MYL6B: variants seen among roughly 807,000 people sequenced by gnomAD.
MYL6B encodes the protein myosin alkali light chain 1 slow a.
In MYL6B, 19 loss-of-function variants were observed where a neutral mutation model predicts 24.5. The ratio of observed to expected loss-of-function variants is 0.78; its 90% CI spans 0.54 to 1.14. The LOEUF (loss-of-function observed/expected upper bound fraction) is 1.14. MYL6B is among the 50% of genes most tolerant of loss of function. The pLI is 0.00. For synonymous variants in MYL6B, 90 were observed against 100.7 expected, an observed-to-expected ratio of 0.89 and a Z score of 0.64; for missense variants, 230 against 263.8, an observed-to-expected ratio of 0.87 and a Z score of 0.89.
chr12:56,156,413 T>C (rs989388877), intron 5 of MYL6B, among the ~76,000 whole-genome samples: 2 of 151,848 alleles, frequency 1.3e-5, no homozygotes, highest in African/African-American at 4.8e-5. Flanking sequence ...AAGACCAGCC[T>C]GGCCAACATG....
Position 56,155,201 on chromosome 12 carries a change from G to A in MYL6B, c.346+3G>A, listed in dbSNP as rs1417703331. ...CCTGGGGAACCCCAAGAGTGATGGT[G>A]AGGGGACCCTTGGGAACAATTTGGG... On this transcript the variant is annotated splice_donor_region_variant and intron_variant, in intron 4 of 6. Coordinates refer to ENST00000553066, the Ensembl canonical transcript of MYL6B. 6.3e-7 allele frequency: 1 copy of A among 1,590,740 alleles called. No homozygotes were observed. The highest frequency in any genetic ancestry group is 1.4e-5 in the African/African-American group (1 of 73,528).
intron 4 of MYL6B, 81 bp from the exon 5 acceptor site, chr12:56,155,338 T>G: frequency 6.2e-7 from 1 of 1,601,072 alleles, no homozygotes; most frequent in Non-Finnish European, 8.5e-7. Flanking sequence ...CTGAATAGGA[T>G]GAAAGCATTG....
Position 56,154,004 on chromosome 12 carries a change from C to A in MYL6B, c.86C>A (p.Ala29Asp), listed in dbSNP as rs749970437. The change falls in exon 2 of 7, where the codon GCT (alanine) becomes GAT (aspartate). Residue 29 changes from alanine (A) to aspartate (D), a missense_variant. Physicochemically the swap from Ala to Asp is moderately radical, Grantham distance 126 (BLOSUM62 -2). Transcript: ENST00000553066. ...GCTGCTAAGCCAGCAGCAGCAGGGG[C>A]TCCTCCAGCCAAGACCAAAGCTGAG... is the stretch of plus-strand genomic sequence containing the variant. The A allele has an allele frequency of 1.9e-6, 3 of 1,614,126 alleles. 1 individual carries two copies. The South Asian group carries it at 3.3e-5, about 18-fold the overall frequency.
At chr12:56,153,836 C>T (rs1871201879) in intron 1 of MYL6B, 37 bp from the exon 2 acceptor site, 1 of 1,438,080 alleles carries the variant, frequency 7.0e-7, no homozygotes, top group South Asian at 1.4e-5. Flanking sequence ...CCTGCCCCCG[C>T]CCCTTGACAT....
exon 4 of MYL6B, chr12:56,155,173 G>C (rs965734289): frequency 1.2e-6 from 2 of 1,611,240 alleles, no homozygotes; most frequent in Non-Finnish European, 1.7e-6. Context: ...AGGTGCTCAA[G>C]GTCCTGGGGA....
exon 6 of MYL6B, chr12:56,157,509 G>C: frequency 6.2e-7 from 1 of 1,614,010 alleles, no homozygotes; most frequent in Non-Finnish European, 8.5e-7. Flanking sequence ...CGTTCTGGCA[G>C]GACACGAGGA....
chr12:56,152,689 A>AGTGT (rs3070174), intron 1 of MYL6B, 58 bp downstream of exon 1: 133,597 of 149,696 alleles, frequency 0.89, 60,651 homozygotes, highest in Non-Finnish European at 0.97. Flanking sequence ...GGGGTGCGTG[A>AGTGT]GTGTGTGTGT....
At chr12:56,152,941 C>G (rs1353331993) in intron 1 of MYL6B, among the ~76,000 whole-genome samples, 1 of 152,068 alleles carries the variant, frequency 6.6e-6, no homozygotes, top group African/African-American at 2.4e-5. Flanking sequence ...CCCAGCGCCC[C>G]TGGCAAGGTT....
At chr12:56,153,270 C>G (rs192618642) in intron 1 of MYL6B, among the ~76,000 whole-genome samples, 1 of 152,132 alleles carries the variant, frequency 6.6e-6, no homozygotes, top group Admixed American at 6.6e-5. Flanking sequence ...GGATGTCATA[C>G]TCCTGTTTTT....
chr12:56,155,600 A>G lies in MYL6B; in HGVS notation c.520+8A>G, dbSNP rs1871277288. 6.2e-7 allele frequency: 1 copy of G among 1,611,772 alleles called. No individual in the cohort carries two copies. The highest frequency in any genetic ancestry group is 1.7e-5 in the Admixed American group (1 of 59,830). On this transcript the variant is annotated splice_region_variant and intron_variant, in intron 5 of 6. Coordinates refer to ENST00000553066, the Ensembl canonical transcript of MYL6B. ...ATGTTCTCACCACCCTTGGTGAGGC[A>G]GGCAAGGGGGACCAGAACTCCTTTA...
chr12:56,157,338 C>CG, intron 5 of MYL6B, 130 bp from the exon 6 acceptor site: 1 of 794,738 alleles, frequency 1.3e-6, no homozygotes, highest in Non-Finnish European at 2.0e-6. Flanking sequence ...GAGCCGAGAT[C>CG]GCTCCGCTCC....
At chr12:56,157,619 G>C (rs542296035) in intron 6 of MYL6B, 74 bp downstream of exon 6, 3 of 1,612,614 alleles carry the variant, frequency 1.9e-6, no homozygotes, top group African/African-American at 1.3e-5. Context: ...GTGGGCGGGG[G>C]CACCCCTGGA....
Position 56,155,523 on chromosome 12 carries a change from CGTGT to C in MYL6B, c.454_457del (p.Val152LeufsTer25). On this transcript the variant is annotated frameshift_variant, in exon 5 of 7. Coordinates refer to ENST00000553066, the Ensembl canonical transcript of MYL6B. LOFTEE classifies it high-confidence loss of function. ...ATATGAGGACTACTTGGAGGGGTTT[CGTGT>C]GTTTGACAAGGAGGGGAACGGCAAA... is the stretch of plus-strand genomic sequence containing the variant. The C allele has an allele frequency of 6.2e-7, 1 of 1,613,774 alleles. No individual in the cohort carries two copies.
At chr12:56,155,835 G>A (rs1871286185) in intron 5 of MYL6B, 1 of 1,411,202 alleles carries the variant, frequency 7.1e-7, no homozygotes, top group East Asian at 2.9e-5. Context: ...TTTCATTTTG[G>A]AAGAGACGTG....
intron 5 of MYL6B, 173 bp downstream of exon 5, chr12:56,155,765 C>G (rs1871284555): frequency 6.6e-7 from 1 of 1,526,412 alleles, no homozygotes; most frequent in African/African-American, 1.4e-5. Flanking sequence ...ACTCGCTCTT[C>G]CAGAGGCTAA....
chr12:56,153,433 A>G, intron 1 of MYL6B: 1 of 985,810 alleles, frequency 1.0e-6, no homozygotes, highest in Non-Finnish European at 1.2e-6. Context: ...GGCTGGGCAG[A>G]TGGGCTTCTT....
intron 5 of MYL6B, 50 bp from the exon 6 acceptor site, chr12:56,157,418 G>A (rs1871368355): frequency 1.9e-6 from 3 of 1,561,162 alleles, no homozygotes; most frequent in Non-Finnish European, 2.6e-6. Flanking sequence ...CGTGGCCTGG[G>A]TGAGTGAAGG....
intron 1 of MYL6B, chr12:56,153,577 C>T (rs1871190622): frequency 1.6e-6 from 1 of 633,568 alleles, no homozygotes; most frequent in South Asian, 6.9e-5. Context: ...CCACCCCCAT[C>T]TCAGTGCCAC....
At chr12:56,156,403 A>G (rs1322593141) in intron 5 of MYL6B, among the ~76,000 whole-genome samples, 4 of 150,528 alleles carry the variant, frequency 2.7e-5, no homozygotes, top group African/African-American at 9.8e-5. Flanking sequence ...TCAGGAGTTC[A>G]AGACCAGCCT....
Sources: gnomAD v4.1 joint callset for allele counts (sites outside exome capture counted in the v4.1 genomes callset) on GRCh38, gnomAD v4.1.1 for gene constraint, MANE v1.5 for transcripts, NCBI Gene and HGNC (gene_info 2026-07-23, HGNC 2026-07-21) for gene names.